Variants in CSMD1 observed in about 807,000 individuals in gnomAD.
CSMD1 encodes CUB and Sushi multiple domains 1, also known as CUB and sushi domain-containing protein 1.
A neutral mutation model predicts 417.5 loss-of-function variants in CSMD1; 213 were observed. That is an observed-to-expected ratio of 0.51 (90% confidence interval 0.46 to 0.57). The LOEUF (loss-of-function observed/expected upper bound fraction) is 0.57. CSMD1 is among the 20% of genes least tolerant of loss of function. The pLI is 0.00. For missense variants in CSMD1, 6,923 were observed against 4,529.7 expected (o/e 1.53, Z -15.17); for synonymous variants, 2,862 against 1,736.8 (o/e 1.65, Z -16.11).
intron 1 of CSMD1, among the ~76,000 whole-genome samples, chr8:4,966,289 G>C (rs1460985571): frequency 6.6e-6 from 1 of 151,916 alleles, no homozygotes; most frequent in Non-Finnish European, 1.5e-5. Flanking sequence ...TGAGGCAGGA[G>C]GATCACTTGA....
chr8:3,783,059 T>A (rs1584991088), intron 5 of CSMD1, among the ~76,000 whole-genome samples: 1 of 152,122 alleles, frequency 6.6e-6, no homozygotes, highest in East Asian at 1.9e-4. Flanking sequence ...TTCCTACTGT[T>A]GAAAGCAAGT....
In CSMD1 at chr8:3,565,207, T is replaced by C. The variant is rs1250678232; in HGVS notation, c.1344+9738A>G. On this transcript the variant is annotated intron_variant, in intron 10 of 69. Transcript: ENST00000635120. ...AAAGATACATAGATAGACAGATAGA[T>C]AGATAGAGAGATAGACAGATAGATA... Among the ~76,000 whole-genome samples the C allele has an allele frequency of 1.0e-4, 12 of 117,272 alleles. No homozygotes were observed. The East Asian group carries it at 1.4e-3, about 13-fold the overall frequency. The allele number at this position is 117,272 out of a possible 152,430, so 76.9% of individuals were successfully genotyped here.
chr8:4,868,359 C>A (rs1802539388), intron 1 of CSMD1, among the ~76,000 whole-genome samples: 1 of 152,016 alleles, frequency 6.6e-6, no homozygotes, highest in African/African-American at 2.4e-5. Context: ...TCAGCCTCCC[C>A]AGTAAACTGA....
intron 53 of CSMD1, among the ~76,000 whole-genome samples, chr8:2,999,519 T>C (rs571331497): frequency 3.3e-5 from 5 of 152,122 alleles, no homozygotes; most frequent in Non-Finnish European, 7.3e-5. Context: ...GACGAAGCAA[T>C]GACAAAAATG....
intron 25 of CSMD1, among the ~76,000 whole-genome samples, chr8:3,295,211 G>A (rs1412854656): frequency 6.6e-6 from 1 of 151,962 alleles, no homozygotes; most frequent in Non-Finnish European, 1.5e-5. Context: ...TGGAAGCTCT[G>A]CCACCCGGGT....
chr8:4,160,459 G>C (rs1176871041), intron 3 of CSMD1, among the ~76,000 whole-genome samples: 1 of 152,166 alleles, frequency 6.6e-6, no homozygotes. Flanking sequence ...AATAAAGTAA[G>C]TGTTGGTCAT....
intron 5 of CSMD1, among the ~76,000 whole-genome samples, chr8:3,935,788 T>A (rs6995575): frequency 0.011 from 1,676 of 152,268 alleles, 36 homozygotes; most frequent in African/African-American, 0.038. Flanking sequence ...TTAATAAGCC[T>A]ACAGTGGCCT....
intron 49 of CSMD1, among the ~76,000 whole-genome samples, chr8:3,067,993 A>G (rs1388879481): frequency 1.3e-5 from 2 of 152,062 alleles, no homozygotes; most frequent in Non-Finnish European, 1.5e-5. Flanking sequence ...CTTCCCAATA[A>G]CAGAATGGCT....
At chr8:3,782,228 T>A (rs775922287) in intron 5 of CSMD1, among the ~76,000 whole-genome samples, 1 of 152,184 alleles carries the variant, frequency 6.6e-6, no homozygotes, top group Non-Finnish European at 1.5e-5. Context: ...AGAATCTATG[T>A]CAGTCACCAG....
intron 3 of CSMD1, among the ~76,000 whole-genome samples, chr8:4,222,366 AG>A (rs1181364856): frequency 0.14 from 45 of 314 alleles, no homozygotes; most frequent in African/African-American, 0.29. Flanking sequence ...TTCTGTAAAC[AG>A]AATAAGAAGC....
intron 2 of CSMD1, among the ~76,000 whole-genome samples, chr8:4,453,667 G>A (rs997475486): frequency 2.6e-5 from 4 of 152,012 alleles, no homozygotes; most frequent in African/African-American, 7.2e-5. Context: ...GACACCTGCA[G>A]GTCCCGCAGT....
chr8:4,619,898 C>A lies in CSMD1; in HGVS notation c.302+17444G>T, dbSNP rs142239201. Among the ~76,000 whole-genome samples the A allele has an allele frequency of 2.1e-3, 326 of 152,064 alleles. 5 individuals carry two copies. Among genetic ancestry groups the A allele is most frequent in the African/African-American group, 7.5e-3 (312 of 41,510 alleles). On this transcript the variant is annotated intron_variant, in intron 2 of 69. Transcript: ENST00000635120. ...GACAATTACAGCATAAATATTAGTA[C>A]TGGGCCAATCACAACAAAATATCAA...
chr8:3,029,187 A>C, intron 51 of CSMD1, 132 bp downstream of exon 51: 1 of 593,874 alleles, frequency 1.7e-6, no homozygotes, highest in Non-Finnish European at 2.7e-6. Context: ...ATGAAAAGAC[A>C]GGCCATTTGT....
chr8:4,602,880 A>G (rs1294959163), intron 2 of CSMD1, among the ~76,000 whole-genome samples: 1 of 151,900 alleles, frequency 6.6e-6, no homozygotes, highest in East Asian at 1.9e-4. Flanking sequence ...TATATAAATA[A>G]TAACGCTATC....
intron 2 of CSMD1, among the ~76,000 whole-genome samples, chr8:4,621,924 C>T (rs1253299992): frequency 1.3e-5 from 2 of 151,606 alleles, no homozygotes; most frequent in African/African-American, 4.9e-5. Flanking sequence ...GAAAAAAAGG[C>T]AAAAATACTA....
At chr8:4,145,577 G>A (rs906066278) in intron 3 of CSMD1, among the ~76,000 whole-genome samples, 8 of 150,938 alleles carry the variant, frequency 5.3e-5, no homozygotes, top group African/African-American at 2.0e-4. Flanking sequence ...TTTGTGGAGA[G>A]ACGGTCTCAC....
intron 3 of CSMD1, among the ~76,000 whole-genome samples, chr8:4,272,240 C>T (rs141704262): frequency 6.6e-6 from 1 of 152,082 alleles, no homozygotes; most frequent in Non-Finnish European, 1.5e-5. Context: ...ACTTTATGCC[C>T]TTAATAGGTT....
Position 4,182,725 on chromosome 8 carries a change from T to C in CSMD1, c.416-150626A>G, listed in dbSNP as rs71523619. 5.7e-4 allele frequency among the ~76,000 whole-genome samples: 87 copies of C among 151,994 alleles called. 1 individual carries two copies. The highest frequency in any genetic ancestry group is 5.0e-4 in the Non-Finnish European group (34 of 68,016). The stretch of plus-strand genomic sequence containing the variant: ...TTAAGTTAGAAAGAAAAAGAACAGC[T>C]ATATAAATAATGGAACATCATTTTT... On this transcript the variant is annotated intron_variant, in intron 3 of 69. Transcript: ENST00000635120.
At chr8:3,720,137 G>C (rs1356936645) in intron 6 of CSMD1, among the ~76,000 whole-genome samples, 2 of 152,174 alleles carry the variant, frequency 1.3e-5, no homozygotes, top group South Asian at 2.1e-4. Flanking sequence ...TCTTTATTCA[G>C]CTTTTCCCGT....
Sources: gnomAD v4.1 joint callset for allele counts (sites outside exome capture counted in the v4.1 genomes callset) on GRCh38, gnomAD v4.1.1 for gene constraint, MANE v1.5 for transcripts, NCBI Gene and HGNC (gene_info 2026-07-23, HGNC 2026-07-21) for gene names.